The following PGCKA1 variants were observed in gnomAD, a reference collection of about 807,000 sequenced individuals.
PGCKA1 encodes the protein PDCD10 and GCKIII kinases-associated protein 1.
chr4:37,522,691 T>C, the PGCKA1 span, among the ~76,000 whole-genome samples: 1 of 151,900 alleles, frequency 6.6e-6, no homozygotes, highest in Non-Finnish European at 1.5e-5. Context: ...AGTTAGCAGG[T>C]GATGAATGCT....
chr4:37,588,612 A>G, the PGCKA1 span: 6 of 469,338 alleles, frequency 1.3e-5, no homozygotes, highest in Non-Finnish European at 1.2e-5. Context: ...GGTTGGGAGA[A>G]AGGTCTGACA....
chr4:37,579,591 C>T, the PGCKA1 span, among the ~76,000 whole-genome samples: 1 of 152,218 alleles, frequency 6.6e-6, no homozygotes, highest in Non-Finnish European at 1.5e-5. Flanking sequence ...ATGCCACTGA[C>T]ATGTCATATC....
At chr4:37,495,843 C>T in the PGCKA1 span, among the ~76,000 whole-genome samples, 2 of 151,860 alleles carry the variant, frequency 1.3e-5, no homozygotes, top group African/African-American at 2.4e-5. Flanking sequence ...TATCCCAGAA[C>T]TTAAAGTATA....
the PGCKA1 span, among the ~76,000 whole-genome samples, chr4:37,583,287 T>C: frequency 3.9e-5 from 6 of 152,168 alleles, no homozygotes; most frequent in African/African-American, 1.2e-4. Flanking sequence ...AATACTCAGT[T>C]AATTTCTCTG....
chr4:37,509,409 A>G, the PGCKA1 span, among the ~76,000 whole-genome samples: 47,306 of 111,264 alleles, frequency 0.43, 11,427 homozygotes, highest in African/African-American at 0.52. Flanking sequence ...ACGGGGCGGC[A>G]GGGCAGAGAT....
chr4:37,486,520 T>G, the PGCKA1 span, among the ~76,000 whole-genome samples: 1 of 152,172 alleles, frequency 6.6e-6, no homozygotes, highest in African/African-American at 2.4e-5. Flanking sequence ...ACCGAGCCTT[T>G]GTCAAAGGTT....
chr4:37,535,608 C>T, the PGCKA1 span, among the ~76,000 whole-genome samples: 1 of 152,174 alleles, frequency 6.6e-6, no homozygotes, highest in Non-Finnish European at 1.5e-5. Flanking sequence ...CAAGAGGTGT[C>T]TGGTGAGAAG....
At chr4:37,513,552 C>T in the PGCKA1 span, among the ~76,000 whole-genome samples, 3 of 152,162 alleles carry the variant, frequency 2.0e-5, no homozygotes, top group African/African-American at 7.2e-5. Context: ...CCCTTATAAC[C>T]TCATTTAACC....
At chr4:37,519,134 G>T in the PGCKA1 span, among the ~76,000 whole-genome samples, 1 of 151,972 alleles carries the variant, frequency 6.6e-6, no homozygotes, top group Non-Finnish European at 1.5e-5. Context: ...CTATCTGTTT[G>T]TTTTTATGCC....
chr4:37,491,438 A>G, the PGCKA1 span, among the ~76,000 whole-genome samples: 2 of 152,226 alleles, frequency 1.3e-5, no homozygotes, highest in African/African-American at 4.8e-5. Context: ...TGGGAACACA[A>G]TATCCCTGGA....
the PGCKA1 span, chr4:37,590,448 C>A: frequency 6.2e-7 from 1 of 1,610,414 alleles, no homozygotes; most frequent in South Asian, 1.1e-5. Context: ...ATACTGTTCC[C>A]CCAACTCAAC....
At chr4:37,462,863 G>A in the PGCKA1 span, among the ~76,000 whole-genome samples, 1 of 151,282 alleles carries the variant, frequency 6.6e-6, no homozygotes, top group Non-Finnish European at 1.5e-5. Flanking sequence ...GGGCTTGGTG[G>A]CAGGTGCCTG....
At chr4:37,491,496 A>AT in the PGCKA1 span, among the ~76,000 whole-genome samples, 8 of 152,208 alleles carry the variant, frequency 5.3e-5, no homozygotes, top group African/African-American at 9.6e-5. Context: ...TTTCTTGTGC[A>AT]TTTTTTTAAC....
chr4:37,515,444 G>C, the PGCKA1 span, among the ~76,000 whole-genome samples: 1 of 152,214 alleles, frequency 6.6e-6, no homozygotes, highest in African/African-American at 2.4e-5. Flanking sequence ...TCAATAGGTA[G>C]AGCATCAACA....
chr4:37,552,531 A>G, the PGCKA1 span, among the ~76,000 whole-genome samples: 1 of 152,222 alleles, frequency 6.6e-6, no homozygotes, highest in Non-Finnish European at 1.5e-5. Flanking sequence ...ACTCTTGTAC[A>G]ATACTATGTG....
At chr4:37,503,338 C>G in the PGCKA1 span, among the ~76,000 whole-genome samples, 1 of 152,316 alleles carries the variant, frequency 6.6e-6, no homozygotes, top group East Asian at 1.9e-4. Context: ...TCCTTCCAGG[C>G]ACCCTCAGTG....
chr4:37,577,807 G>T, the PGCKA1 span, among the ~76,000 whole-genome samples: 1 of 152,038 alleles, frequency 6.6e-6, no homozygotes, highest in Non-Finnish European at 1.5e-5. Flanking sequence ...CATTGACCCA[G>T]TGTTTATTTA....
chr4:37,500,022 A>C, the PGCKA1 span, among the ~76,000 whole-genome samples: 1 of 141,124 alleles, frequency 7.1e-6, no homozygotes, highest in Admixed American at 7.9e-5. Flanking sequence ...TCCTGGGTTC[A>C]TGCCATTCTC....
chr4:37,546,839 G>A, the PGCKA1 span, among the ~76,000 whole-genome samples: 97 of 152,302 alleles, frequency 6.4e-4, no homozygotes, highest in Non-Finnish European at 1.0e-3. Context: ...GGAACGCCTC[G>A]CCACAGCAGC....
Sources: gnomAD v4.1 joint callset for allele counts (sites outside exome capture counted in the v4.1 genomes callset) on GRCh38, gnomAD v4.1.1 for gene constraint, MANE v1.5 for transcripts, NCBI Gene and HGNC (gene_info 2026-07-23, HGNC 2026-07-21) for gene names.